Variants in ERCC1 observed in about 807,000 individuals in gnomAD.
The protein encoded by ERCC1 is DNA excision repair protein ERCC-1.
A neutral mutation model predicts 37.6 loss-of-function variants in ERCC1; 36 were observed. The observed-to-expected ratio is 0.96, with a 90% confidence interval of 0.73 to 1.26. The LOEUF (loss-of-function observed/expected upper bound fraction) is 1.26. Ranked by LOEUF, ERCC1 falls within the 50% of genes most tolerant of loss-of-function variation. The probability of loss-of-function intolerance (pLI) is 0.00; values close to 1 mark genes in which losing one functional copy is unlikely to be tolerated. For synonymous variants in ERCC1, 156 were observed against 162.1 expected (o/e 0.96, Z 0.28); for missense variants, 349 against 376.5 (o/e 0.93, Z 0.60).
chr19:45,434,761 AT>A (rs1974930957), intron 1 of ERCC1, among the ~76,000 whole-genome samples: 1 of 148,896 alleles, frequency 6.7e-6, no homozygotes, highest in South Asian at 2.1e-4. Context: ...TTTTTTAAAA[AT>A]TTTTTTATTT....
intron 1 of ERCC1, among the ~76,000 whole-genome samples, chr19:45,442,324 A>G (rs1009373798): frequency 1.4e-5 from 2 of 144,274 alleles, no homozygotes; most frequent in East Asian, 2.5e-4. Context: ...TCAAAAAAAA[A>G]AAAAAGAAAA....
intron 5 of ERCC1, 32 bp downstream of exon 5, chr19:45,419,066 G>C (rs774720677): frequency 6.8e-7 from 1 of 1,460,334 alleles, no homozygotes. Flanking sequence ...TCAAAGCCCG[G>C]TGAGGCTGGC....
chr19:45,413,477 A>G, intron 9 of ERCC1, 200 bp downstream of exon 9: 1 of 1,113,800 alleles, frequency 9.0e-7, no homozygotes, highest in South Asian at 1.3e-5. Flanking sequence ...TGAGGTGTCC[A>G]CTTGCCCAGG....
Position 45,423,790 on chromosome 19 carries a change from G to T in ERCC1, c.-17C>A. On this transcript the variant is annotated 5_prime_UTR_variant, in exon 1 of 10. Coordinates refer to ENST00000300853, the MANE Select transcript of ERCC1 (RefSeq NM_001983.4). ...TCTCCGCCTCCCGCACCTGTGGTCC[G>T]GGCCTCACGGTTTCAGCGCCGCGAG... 2 of 1,126,840 alleles carry T rather than the reference G, an allele frequency of 1.8e-6. No homozygotes were observed. The allele number at this position is 1,126,840 out of a possible 1,614,324, so 69.8% of individuals were successfully genotyped here. A position where few individuals can be genotyped will look rare whatever the true frequency, so the allele number is the denominator to read the frequency against.
At chr19:45,444,852 T>C (rs953295141) in intron 1 of ERCC1, among the ~76,000 whole-genome samples, 1 of 152,112 alleles carries the variant, frequency 6.6e-6, no homozygotes, top group African/African-American at 2.4e-5. Context: ...TCGAGGGACT[T>C]CCCCTCTCTG....
rs762272937 is a variant in ERCC1 at position 45,408,467 on chromosome 19, C to T, written c.*1208G>A. ...CACAGGGCCTAGGTCAGCCTTGGCC[C>T]CCAACCTGCTCACCTCAGGGAAGAA... On this transcript the variant is annotated 3_prime_UTR_variant, in exon 10 of 10. Coordinates refer to ENST00000300853, the MANE Select transcript of ERCC1 (RefSeq NM_001983.4). The T allele has an allele frequency of 6.2e-7, 1 of 1,613,922 alleles. No individual in the cohort carries two copies. Among genetic ancestry groups the T allele is most frequent in the Non-Finnish European group, 8.5e-7 (1 of 1,179,942 alleles).
At chr19:45,421,576 T>G (rs1038298149) in intron 2 of ERCC1, among the ~76,000 whole-genome samples, 183 bp from the exon 3 acceptor site, 2 of 151,942 alleles carry the variant, frequency 1.3e-5, no homozygotes, top group Admixed American at 1.3e-4. Flanking sequence ...TTCAAGCAAT[T>G]CTGCCTCAGC....
At position 45,420,080 on chromosome 19, in the gene ERCC1, G is replaced by A. The variant is rs1974317206; in HGVS notation, c.425+244C>T. On this transcript the variant is annotated intron_variant, in intron 4 of 9. Transcript: ENST00000300853. The surrounding 1 kb of genome is among the most constrained non-coding windows in gnomAD (Gnocchi z 4.8). ...CCAGCCCTCAGCCCCTCCTCCCCCG[G>A]ACCCAGGAGTCCGGCCCCCAGCCCC... 2.1e-5 allele frequency among the ~76,000 whole-genome samples: 3 copies of A among 143,772 alleles called. No individual in the cohort carries two copies. Among genetic ancestry groups the A allele is most frequent in the Admixed American group, 1.4e-4 (2 of 14,564 alleles). The allele number at this position is 143,772 out of a possible 152,430, so 94.3% of individuals were successfully genotyped here.
intron 1 of ERCC1, among the ~76,000 whole-genome samples, chr19:45,430,117 A>G (rs997508614): frequency 1.3e-5 from 2 of 152,104 alleles, no homozygotes; most frequent in African/African-American, 4.8e-5. Flanking sequence ...TCCGTGACCC[A>G]CTGAACTGGG....
rs1292556859 is a variant in ERCC1 at position 45,423,282 on chromosome 19, G to T, written c.93C>A (p.Val31=). The change falls in exon 2 of 10, where the codon GTC becomes GTA. Residue 31 remains valine, a synonymous_variant. Transcript: ENST00000300853. ...CTCCTTGTCCTACCACTCCAGGAGG[G>T]ACCTCATCCTCGTCGAGGGGTATCA... ...KFVIPLDEDE[V]PPGVAKPLFR... The T allele has an allele frequency of 1.2e-6, 2 of 1,613,472 alleles. No homozygotes were observed.
In ERCC1 at chr19:45,414,851, G is replaced by C. The variant is rs1345623669; in HGVS notation, c.702+10C>G. On this transcript the variant is annotated intron_variant, in intron 7 of 9. Transcript: ENST00000300853. ...GGCCCAGGCAGGGATGGGAGGTGAG[G>C]TGGCCTCACCCGGGAGACGAAGTCC... The C allele has an allele frequency of 1.2e-6, 2 of 1,604,714 alleles. No individual in the cohort carries two copies. Among genetic ancestry groups the C allele is most frequent in the African/African-American group, 2.7e-5 (2 of 74,744 alleles).
chr19:45,421,471 C>G (rs925130049), intron 2 of ERCC1, 78 bp from the exon 3 acceptor site: 44 of 1,037,044 alleles, frequency 4.2e-5, no homozygotes, highest in Non-Finnish European at 6.0e-5. Context: ...GTTCCTCTCC[C>G]CTTTCTTTTT....
Position 45,435,251 on chromosome 19 carries a change from G to C in ERCC1, c.-7-11870C>G, listed in dbSNP as rs182957805. On this transcript the variant is annotated intron_variant, in intron 1 of 8. Coordinates refer to the ERCC1 transcript ENST00000423698. Reference sequence around the variant, plus strand: ...GCATTTCAAACACTTCCAGGACTATGCCGCACAGTAACATTGATTCTCACA... The same window carrying C: ...GCATTTCAAACACTTCCAGGACTATCCCGCACAGTAACATTGATTCTCACA... Among the ~76,000 whole-genome samples the C allele has an allele frequency of 9.1e-4, 138 of 152,196 alleles. 1 individual carries two copies. Among genetic ancestry groups the C allele is most frequent in the African/African-American group, 3.2e-3 (133 of 41,530 alleles).
At chr19:45,442,223 G>T (rs539617992) in intron 1 of ERCC1, among the ~76,000 whole-genome samples, 15 of 151,722 alleles carry the variant, frequency 9.9e-5, no homozygotes, top group Non-Finnish European at 1.9e-4. Flanking sequence ...GGCTGAGGTG[G>T]GTGGGAGGAT....
At chr19:45,442,115 C>T (rs1975136026) in intron 1 of ERCC1, among the ~76,000 whole-genome samples, 1 of 151,500 alleles carries the variant, frequency 6.6e-6, no homozygotes, top group Non-Finnish European at 1.5e-5. Context: ...AGTTCAAGAC[C>T]AGCCTCGACA....
chr19:45,418,529 A>G (rs958006216), intron 5 of ERCC1, among the ~76,000 whole-genome samples: 6 of 151,570 alleles, frequency 4.0e-5, no homozygotes, highest in African/African-American at 9.7e-5. Context: ...AAAAAAATAA[A>G]AGAGAGAGAT....
Position 45,415,061 on chromosome 19 carries a change from C to T in ERCC1, c.603-101G>A, listed in dbSNP as rs530493183. ...AGAATTGCCAATACTAGGCCGGGCG[C>T]GGTGGCTCACGCCTGTAATCCCAGC... On this transcript the variant is annotated intron_variant, in intron 6 of 9. Transcript: ENST00000300853. The T allele has an allele frequency of 9.3e-4, 747 of 803,172 alleles. 3 individuals are homozygous for T. The highest frequency in any genetic ancestry group is 5.4e-3 in the African/African-American group (317 of 58,764). The allele number at this position is 803,172 out of a possible 1,614,324, so 49.8% of individuals were successfully genotyped here.
intron 1 of ERCC1, 29 bp downstream of exon 1, chr19:45,423,752 T>C: frequency 1.7e-6 from 2 of 1,149,002 alleles, no homozygotes; most frequent in Non-Finnish European, 2.2e-6. Flanking sequence ...GCGGCGCCAA[T>C]CTCCACCCGC....
intron 1 of ERCC1, among the ~76,000 whole-genome samples, chr19:45,435,137 T>A (rs775817087): frequency 6.6e-6 from 1 of 152,048 alleles, no homozygotes; most frequent in African/African-American, 2.4e-5. Flanking sequence ...CAGGCTGGTC[T>A]CAGACTCCTG....
Sources: allele counts gnomAD v4.1 joint callset (sites outside exome capture counted in the v4.1 genomes callset), GRCh38; gene constraint gnomAD v4.1.1; non-coding constraint Gnocchi (gnomAD v3.1); transcripts MANE v1.5; gene names NCBI Gene and HGNC (gene_info 2026-07-23, HGNC 2026-07-21).